Variants in RSRC1 observed in about 807,000 individuals in gnomAD.
The protein encoded by RSRC1 is arginine and serine rich coiled-coil 1.
A neutral mutation model predicts 49.1 loss-of-function variants in RSRC1; 39 were observed. The observed-to-expected ratio is 0.79, with a 90% CI of 0.61 to 1.04. The LOEUF (loss-of-function observed/expected upper bound fraction) is 1.04, where lower values mean the gene tolerates loss of function less well. Among genes scored for constraint, RSRC1 ranks in the 50% least tolerant of loss-of-function variants. RSRC1 has a pLI of 0.00. For missense variants in RSRC1, 388 were observed against 402.4 expected, an observed-to-expected ratio of 0.96 and a Z score of 0.31; for synonymous variants, 143 against 130.8, an observed-to-expected ratio of 1.09 and a Z score of -0.63.
chr3:158,435,935 A>G (rs1736017990), intron 6 of RSRC1, among the ~76,000 whole-genome samples: 1 of 151,244 alleles, frequency 6.6e-6, no homozygotes, highest in Non-Finnish European at 1.5e-5. Flanking sequence ...TCATATGGCT[A>G]GAATGGAATG....
At chr3:158,328,548 T>A (rs934614976) in intron 5 of RSRC1, among the ~76,000 whole-genome samples, 2 of 152,192 alleles carry the variant, frequency 1.3e-5, no homozygotes, top group Non-Finnish European at 2.9e-5. Context: ...CTTAAGAATG[T>A]TGTATATTGG....
chr3:158,270,330 A>C (rs1725436381), intron 4 of RSRC1, among the ~76,000 whole-genome samples: 1 of 152,164 alleles, frequency 6.6e-6, no homozygotes, highest in Non-Finnish European at 1.5e-5. Context: ...GTTAACCATG[A>C]TCTTGGAACC....
chr3:158,256,515 A>C (rs1724569111), intron 4 of RSRC1, among the ~76,000 whole-genome samples: 1 of 152,030 alleles, frequency 6.6e-6, no homozygotes, highest in African/African-American at 2.4e-5. Context: ...ATTGGTCTAA[A>C]ATTCTCTCTT....
At chr3:158,209,378 G>A (rs1363733869) in intron 4 of RSRC1, among the ~76,000 whole-genome samples, 3 of 151,986 alleles carry the variant, frequency 2.0e-5, no homozygotes, top group African/African-American at 7.2e-5. Context: ...ATCAGATGCT[G>A]GCCTCTCAAT....
chr3:158,200,518 C>G (rs1720981976), intron 3 of RSRC1, among the ~76,000 whole-genome samples: 1 of 152,092 alleles, frequency 6.6e-6, no homozygotes, highest in African/African-American at 2.4e-5. Flanking sequence ...AGATTTAAGT[C>G]TATCATTTTA....
intron 5 of RSRC1, among the ~76,000 whole-genome samples, chr3:158,303,747 A>G (rs1727697412): frequency 6.6e-6 from 1 of 152,170 alleles, no homozygotes; most frequent in Non-Finnish European, 1.5e-5. Context: ...TTGGGTGTTC[A>G]TAAACCCAGG....
chr3:158,306,193 A>C (rs1351357243), intron 5 of RSRC1, among the ~76,000 whole-genome samples: 1 of 151,900 alleles, frequency 6.6e-6, no homozygotes, highest in Non-Finnish European at 1.5e-5. Flanking sequence ...ATCTTTTCCT[A>C]CCTGCCATCA....
intron 7 of RSRC1, among the ~76,000 whole-genome samples, chr3:158,470,641 CTTGA>C (rs916137893): frequency 2.0e-5 from 3 of 151,924 alleles, no homozygotes; most frequent in African/African-American, 4.8e-5. Context: ...TTATGTAAAC[CTTGA>C]TTGTTTGTGC....
chr3:158,156,237 G>T (rs1240033978), intron 3 of RSRC1, among the ~76,000 whole-genome samples: 1 of 152,154 alleles, frequency 6.6e-6, no homozygotes, highest in East Asian at 1.9e-4. Flanking sequence ...ACTAACCTCT[G>T]CTAGCTTCAA....
chr3:158,417,041 C>G (rs1734774233), intron 6 of RSRC1, among the ~76,000 whole-genome samples: 1 of 151,900 alleles, frequency 6.6e-6, no homozygotes, highest in Non-Finnish European at 1.5e-5. Flanking sequence ...ATCATTGTTA[C>G]TATTGTCTTA....
chr3:158,456,251 CT>C (rs1428999140), intron 6 of RSRC1, among the ~76,000 whole-genome samples: 4 of 150,968 alleles, frequency 2.6e-5, no homozygotes, highest in Non-Finnish European at 4.4e-5. Flanking sequence ...GTGGTTTGCC[CT>C]TTTTGAGTCC....
chr3:158,432,378 G>A (rs535267825), intron 6 of RSRC1, among the ~76,000 whole-genome samples: 24 of 151,996 alleles, frequency 1.6e-4, no homozygotes, highest in African/African-American at 5.8e-4. Flanking sequence ...AATACAGTAG[G>A]CAGTAACCAG....
intron 6 of RSRC1, among the ~76,000 whole-genome samples, chr3:158,397,547 G>A (rs546121055): frequency 6.6e-6 from 1 of 152,192 alleles, no homozygotes; most frequent in South Asian, 2.1e-4. Context: ...ACACTCTAGA[G>A]AATTATTACA....
chr3:158,405,342 C>T (rs1210764024), intron 6 of RSRC1, among the ~76,000 whole-genome samples: 2 of 152,162 alleles, frequency 1.3e-5, no homozygotes, highest in East Asian at 1.9e-4. Context: ...AATCTTCATG[C>T]ACCCTTCTCC....
chr3:158,266,779 C>T (rs1321341191), intron 4 of RSRC1, among the ~76,000 whole-genome samples: 3 of 151,968 alleles, frequency 2.0e-5, no homozygotes. Flanking sequence ...CAGGGTTTCA[C>T]TCCTGTTGCC....
chr3:158,124,916 A>G (rs1026730721), intron 3 of RSRC1, among the ~76,000 whole-genome samples: 3 of 150,636 alleles, frequency 2.0e-5, no homozygotes, highest in Non-Finnish European at 4.4e-5. Flanking sequence ...TCCTGGGCTC[A>G]ATGATCTTCT....
At chr3:158,152,838 T>G (rs7642751) in intron 3 of RSRC1, among the ~76,000 whole-genome samples, 96,075 of 152,042 alleles carry the variant, frequency 0.63, 30,974 homozygotes, top group African/African-American at 0.73. Flanking sequence ...GAATGAGTAT[T>G]TGGCTTCTGT....
rs898813544 is a variant in RSRC1, at chr3:158,299,328, A to G, written c.531+1253A>G. On this transcript the variant is annotated intron_variant, in intron 5 of 9. Transcript: ENST00000611884. ...TGTCTTTTATTTTTTATTTTTATTT[A>G]TTTATTTATTTATTTGTTTTTTTGA... Among the ~76,000 whole-genome samples the G allele has an allele frequency of 2.6e-5, 4 of 151,482 alleles. No individual in the cohort carries two copies. In the East Asian group the frequency reaches 5.8e-4, roughly 22 times the overall value.
At chr3:158,372,794 T>G (rs1022765040) in intron 6 of RSRC1, among the ~76,000 whole-genome samples, 6 of 151,906 alleles carry the variant, frequency 3.9e-5, no homozygotes, top group African/African-American at 1.4e-4. Context: ...TGGGGAGAAT[T>G]GGCATCTTAA....
Sources: allele counts gnomAD v4.1 joint callset (sites outside exome capture counted in the v4.1 genomes callset), GRCh38; gene constraint gnomAD v4.1.1; transcripts MANE v1.5; gene names NCBI Gene and HGNC (gene_info 2026-07-23, HGNC 2026-07-21).